BFSP1: variants seen among roughly 807,000 people sequenced by gnomAD.
The protein encoded by BFSP1 is filensin.
Under a neutral mutation model 43.9 loss-of-function variants are expected in BFSP1, and 38 were observed. The ratio of observed to expected loss-of-function variants is 0.87; its 90% confidence interval spans 0.67 to 1.14. BFSP1 has a LOEUF of 1.14. Ranked by LOEUF, BFSP1 falls within the 50% of genes most tolerant of loss-of-function variation. The pLI is 0.00. For synonymous variants in BFSP1, 352 were observed against 354.8 expected, an observed-to-expected ratio of 0.99 and a Z score of 0.09; for missense variants, 850 against 875.1, an observed-to-expected ratio of 0.97 and a Z score of 0.36.
intron 1 of BFSP1, among the ~76,000 whole-genome samples, chr20:17,553,803 A>ATATATAT (rs2034935562): frequency 2.0e-5 from 1 of 50,328 alleles, no homozygotes; most frequent in African/African-American, 1.9e-4. Context: ...ATACACACAC[A>ATATATAT]CACACACACA....
intron 1 of BFSP1, chr20:17,565,466 G>C (rs528881392): frequency 6.6e-6 from 1 of 152,138 alleles, no homozygotes; most frequent in African/African-American, 2.4e-5. Context: ...CATCAGTAGG[G>C]GAAAAGTTAA....
intron 5 of BFSP1, among the ~76,000 whole-genome samples, chr20:17,504,943 TAA>T (rs35319868): frequency 5.2e-4 from 73 of 139,360 alleles, no homozygotes; most frequent in African/African-American, 9.6e-4. Flanking sequence ...TGTTTTGTCT[TAA>T]AAAAAAAAAA....
In BFSP1 at chr20:17,497,011, G is replaced by C; in HGVS notation, c.969C>G (p.Ala323=). 6.5e-7 allele frequency: 1 copy of C among 1,539,888 alleles called. No individual in the cohort carries two copies. The highest frequency in any genetic ancestry group is 1.2e-5 in the South Asian group (1 of 81,808). Residue 323 remains alanine (A), a synonymous_variant, in exon 7 of 8, where the codon GCC becomes GCG. Coordinates refer to ENST00000377873, the MANE Select transcript of BFSP1 (RefSeq NM_001195.5). Reference sequence around the variant, plus strand: ...ACAGGGGAATGGGAGTTTCAATGAAGGCAGAGGTCAGCCTGGCAGAAAGAA... The same window carrying C: ...ACAGGGGAATGGGAGTTTCAATGAACGCAGAGGTCAGCCTGGCAGAAAGAA... ...IEIEGNRLTS[A]FIETPIPLFT... is the part of the protein sequence containing the mutation.
chr20:17,538,292 T>G (rs1260053341), intron 1 of BFSP1, among the ~76,000 whole-genome samples: 1 of 152,180 alleles, frequency 6.6e-6, no homozygotes. Context: ...GATATGCATT[T>G]ATGTTGATAT....
chr20:17,545,030 A>G (rs1218054878), intron 1 of BFSP1, among the ~76,000 whole-genome samples: 1 of 152,262 alleles, frequency 6.6e-6, no homozygotes, highest in Non-Finnish European at 1.5e-5. Flanking sequence ...AAAAGGGGAA[A>G]GTCAATATTT....
chr20:17,550,697 T>G (rs2034882842), intron 1 of BFSP1, among the ~76,000 whole-genome samples: 1 of 152,170 alleles, frequency 6.6e-6, no homozygotes, highest in African/African-American at 2.4e-5. Context: ...GGTCTTAAAC[T>G]CCTGACCTCA....
At chr20:17,511,340 C>G (rs1216632075) in intron 4 of BFSP1, among the ~76,000 whole-genome samples, 1 of 152,164 alleles carries the variant, frequency 6.6e-6, no homozygotes, top group Non-Finnish European at 1.5e-5. Flanking sequence ...TAATCATTAG[C>G]AGAGCTCCGT....
chr20:17,542,427 C>CAAAA (rs3076281), intron 1 of BFSP1, among the ~76,000 whole-genome samples: 18 of 114,836 alleles, frequency 1.6e-4, no homozygotes, highest in Admixed American at 5.5e-4. Flanking sequence ...TCATCTCTAC[C>CAAAA]AAAAAAAAAA....
chr20:17,522,265 A>AGG (rs1183863046), intron 2 of BFSP1, among the ~76,000 whole-genome samples: 1 of 152,184 alleles, frequency 6.6e-6, no homozygotes, highest in African/African-American at 2.4e-5. Flanking sequence ...GAGGCTCTGA[A>AGG]GTCATTTAAC....
intron 1 of BFSP1, among the ~76,000 whole-genome samples, chr20:17,527,285 A>G (rs1381331106): frequency 7.2e-5 from 11 of 152,242 alleles, no homozygotes; most frequent in Admixed American, 6.5e-4. Context: ...TGAGAATAAA[A>G]CTTAATAAAA....
chr20:17,517,220 T>C, intron 2 of BFSP1: 2 of 928,202 alleles, frequency 2.2e-6, no homozygotes, highest in Non-Finnish European at 3.5e-6. Flanking sequence ...ATGAATGTGG[T>C]GCTGGAGTGT....
Position 17,494,916 on chromosome 20 carries a change from G to A in BFSP1, c.1156C>T (p.Leu386=). Residue 386 remains leucine, a synonymous_variant, in exon 8 of 8, where the codon CTG becomes TTG. Transcript: ENST00000377873. ...IITKDKTNGA[L]EDAPLKGLED... ...AAACCTTTTAATGGTGCATCTTCCA[G>A]AGCTCCGTTGGTTTTGTCTTTTGTT... The A allele has an allele frequency of 6.2e-7, 1 of 1,614,152 alleles. No homozygotes were observed. Among genetic ancestry groups the A allele is most frequent in the Non-Finnish European group, 8.5e-7 (1 of 1,180,018 alleles).
chr20:17,528,403 C>G (rs544187829), intron 1 of BFSP1, among the ~76,000 whole-genome samples: 1 of 152,328 alleles, frequency 6.6e-6, no homozygotes, highest in South Asian at 2.1e-4. Context: ...AGCCAAAGTA[C>G]AGTAGACTAT....
At chr20:17,502,473 A>G (rs2033826996) in intron 5 of BFSP1, among the ~76,000 whole-genome samples, 1 of 152,238 alleles carries the variant, frequency 6.6e-6, no homozygotes, top group Non-Finnish European at 1.5e-5. Flanking sequence ...TGGGGGAGAC[A>G]ATCAAGACAT....
At position 17,558,159 on chromosome 20, in the gene BFSP1, C is replaced by CTTTT. The variant is rs5840776; in HGVS notation, c.2+525_2+528dup. On this transcript the variant is annotated intron_variant, in intron 1 of 7. Transcript: ENST00000377868. ...CTCAGCAAGAAAAATATTTATTTTC[C>CTTTT]TTTTTTTTTTTAGGAGAAAAATACT... 5.4e-5 allele frequency among the ~76,000 whole-genome samples: 8 copies of CTTTT among 149,204 alleles called. No individual in the cohort carries two copies. The East Asian group carries it at 9.8e-4, about 18-fold the overall frequency.
chr20:17,503,030 T>C, intron 5 of BFSP1, among the ~76,000 whole-genome samples: 1 of 152,184 alleles, frequency 6.6e-6, no homozygotes, highest in East Asian at 1.9e-4. Context: ...TTCTCACTTT[T>C]AATTTTTGAG....
At chr20:17,555,997 T>C (rs2034984715) in intron 1 of BFSP1, among the ~76,000 whole-genome samples, 2 of 152,096 alleles carry the variant, frequency 1.3e-5, no homozygotes, top group African/African-American at 2.4e-5. Flanking sequence ...GAGCAAGCAA[T>C]AGACCCATGT....
intron 2 of BFSP1, among the ~76,000 whole-genome samples, chr20:17,522,543 T>C (rs1303451517): frequency 6.6e-6 from 1 of 152,254 alleles, no homozygotes; most frequent in African/African-American, 2.4e-5. Flanking sequence ...TTTTATGTCA[T>C]CCGCTGTAAA....
intron 2 of BFSP1, among the ~76,000 whole-genome samples, chr20:17,524,128 G>A (rs536883624): frequency 1.5e-4 from 23 of 152,228 alleles, no homozygotes; most frequent in African/African-American, 4.3e-4. Context: ...GCTCAAAAAC[G>A]ATCAGAAAAG....
Sources: gnomAD v4.1 joint callset for allele counts (sites outside exome capture counted in the v4.1 genomes callset) on GRCh38, gnomAD v4.1.1 for gene constraint, MANE v1.5 for transcripts, NCBI Gene and HGNC (gene_info 2026-07-23, HGNC 2026-07-21) for gene names.